Variants in SLC35F3 observed in about 807,000 individuals in gnomAD.
SLC35F3 encodes solute carrier family 35 member F3, also known as putative thiamine transporter SLC35F3.
SLC35F3 carries 25 observed loss-of-function variants against 49.9 expected under a neutral mutation model. The observed-to-expected ratio is 0.50, with a 90% CI of 0.37 to 0.70. SLC35F3 has a LOEUF of 0.70. SLC35F3 is among the 30% of genes least tolerant of loss of function. SLC35F3 has a pLI of 0.00. For missense variants in SLC35F3, 525 were observed against 639.8 expected, an observed-to-expected ratio of 0.82 and a Z score of 1.94; for synonymous variants, 275 against 265.4, an observed-to-expected ratio of 1.04 and a Z score of -0.35.
At chr1:234,007,596 T>C (rs1663649788) in intron 2 of SLC35F3, among the ~76,000 whole-genome samples, 1 of 152,218 alleles carries the variant, frequency 6.6e-6, no homozygotes, top group Admixed American at 6.5e-5. Flanking sequence ...CCTGTGACTA[T>C]TCACTTGTAT....
chr1:234,140,570 G>A (rs1397949743), intron 2 of SLC35F3, among the ~76,000 whole-genome samples: 1 of 152,152 alleles, frequency 6.6e-6, no homozygotes, highest in Non-Finnish European at 1.5e-5. Context: ...CTACTGTAGT[G>A]GAATGATATC....
At chr1:233,952,469 C>A (rs1662624005) in intron 2 of SLC35F3, among the ~76,000 whole-genome samples, 1 of 152,156 alleles carries the variant, frequency 6.6e-6, no homozygotes, top group South Asian at 2.1e-4. Context: ...GATTTTATTT[C>A]TCCCCATCCA....
At position 234,275,752 on chromosome 1, in the gene SLC35F3, GAA is replaced by G. The variant is rs71576411; in HGVS notation, c.609-33338_609-33337del. ...AAATGAAACATCATTGGTAAGTATT[GAA>G]AAAAAAAAAATATATATATATATAT... is the stretch of plus-strand genomic sequence containing the variant. On this transcript the variant is annotated intron_variant, in intron 3 of 7. Transcript: ENST00000366618. Among the ~76,000 whole-genome samples the G allele has an allele frequency of 8.6e-4, 119 of 138,998 alleles. 1 individual carries two copies. The highest frequency in any genetic ancestry group is 2.5e-3 in the Admixed American group (35 of 14,000). The allele number at this position is 138,998 out of a possible 152,430, so 91.2% of individuals were successfully genotyped here.
intron 2 of SLC35F3, among the ~76,000 whole-genome samples, chr1:233,966,761 C>G (rs995314068): frequency 6.6e-5 from 10 of 152,224 alleles, no homozygotes; most frequent in African/African-American, 2.4e-4. Context: ...CAAGCTAATT[C>G]TGCAAAGGAT....
chr1:234,162,166 G>A (rs1420088671), intron 2 of SLC35F3, among the ~76,000 whole-genome samples: 1 of 151,828 alleles, frequency 6.6e-6, no homozygotes, highest in Non-Finnish European at 1.5e-5. Context: ...AGCCTGTGGT[G>A]TAGATTCATG....
chr1:234,110,702 A>G (rs535071768), intron 2 of SLC35F3, among the ~76,000 whole-genome samples: 49 of 151,878 alleles, frequency 3.2e-4, no homozygotes, highest in African/African-American at 1.2e-3. Flanking sequence ...TATGGAAGAC[A>G]GTTTCATCCA....
intron 2 of SLC35F3, among the ~76,000 whole-genome samples, chr1:233,934,308 T>G (rs1271167189): frequency 2.6e-5 from 4 of 152,210 alleles, no homozygotes; most frequent in African/African-American, 9.6e-5. Context: ...CTTCCCCACT[T>G]TCTAAGACAT....
At chr1:233,914,640 A>G (rs576355730) in intron 2 of SLC35F3, among the ~76,000 whole-genome samples, 1 of 152,350 alleles carries the variant, frequency 6.6e-6, no homozygotes, top group South Asian at 2.1e-4. Flanking sequence ...GACTACTAAG[A>G]TCATAAAGAA....
At chr1:234,264,215 A>G (rs977854842) in intron 3 of SLC35F3, among the ~76,000 whole-genome samples, 1 of 152,212 alleles carries the variant, frequency 6.6e-6, no homozygotes. Context: ...ACCATTCACC[A>G]CACCCTGAGA....
intron 4 of SLC35F3, among the ~76,000 whole-genome samples, chr1:234,312,427 T>A (rs1657378822): frequency 6.6e-6 from 1 of 152,210 alleles, no homozygotes; most frequent in African/African-American, 2.4e-5. Context: ...CCAGCTGATG[T>A]TTCCAATAAT....
chr1:234,298,909 C>A (rs780839775), intron 3 of SLC35F3, among the ~76,000 whole-genome samples: 3 of 152,164 alleles, frequency 2.0e-5, no homozygotes, highest in Non-Finnish European at 4.4e-5. Context: ...TACCAGGATC[C>A]AGAGTGAAGG....
intron 2 of SLC35F3, among the ~76,000 whole-genome samples, chr1:233,926,563 T>C (rs1662163466): frequency 6.6e-6 from 1 of 152,184 alleles, no homozygotes; most frequent in South Asian, 2.1e-4. Flanking sequence ...TTAGCTTCTT[T>C]GTGATGGGTT....
intron 2 of SLC35F3, among the ~76,000 whole-genome samples, chr1:234,220,297 T>G (rs183534787): frequency 1.5e-3 from 219 of 148,640 alleles, no homozygotes; most frequent in Admixed American, 2.8e-3. Flanking sequence ...TTCAGGGGTG[T>G]GTGTGTGTGT....
At chr1:233,954,314 C>G (rs868125064) in intron 2 of SLC35F3, among the ~76,000 whole-genome samples, 5 of 151,302 alleles carry the variant, frequency 3.3e-5, no homozygotes, top group African/African-American at 7.3e-5. Context: ...CCTAGAGCCT[C>G]TTTTAAAGAA....
At chr1:234,068,270 A>G (rs941440380) in intron 2 of SLC35F3, among the ~76,000 whole-genome samples, 1 of 152,232 alleles carries the variant, frequency 6.6e-6, no homozygotes, top group Non-Finnish European at 1.5e-5. Context: ...TCAAACTTTC[A>G]GAAATAGTGA....
chr1:234,318,718 C>T (rs1036928436), intron 5 of SLC35F3, 33 bp from the exon 6 acceptor site: 30 of 1,597,980 alleles, frequency 1.9e-5, no homozygotes, highest in Middle Eastern at 3.3e-4. Flanking sequence ...TGAGGTGAGC[C>T]TTCACCCCGT....
At chr1:234,272,564 G>A (rs1264852178) in intron 3 of SLC35F3, 1 of 152,270 alleles carries the variant, frequency 6.6e-6, no homozygotes, top group Non-Finnish European at 1.5e-5. Context: ...AGGAAGTCGA[G>A]AGATGGATGA....
intron 2 of SLC35F3, among the ~76,000 whole-genome samples, chr1:234,031,774 A>G (rs943446121): frequency 3.3e-5 from 5 of 152,168 alleles, no homozygotes; most frequent in Non-Finnish European, 5.9e-5. Context: ...TTTTGTCACA[A>G]CTGTGTCCAT....
At position 233,930,569 on chromosome 1, in the gene SLC35F3, G is replaced by A. The variant is rs150274912; in HGVS notation, c.283+24811G>A. Among the ~76,000 whole-genome samples, 225 of 152,164 alleles carry A rather than the reference G, an allele frequency of 1.5e-3. 1 individual carries two copies. The highest frequency in any genetic ancestry group is 5.3e-3 in the African/African-American group (219 of 41,542). On this transcript the variant is annotated intron_variant, in intron 2 of 7. Transcript: ENST00000366618. ...AACAGGTGACCCTTGAAAAACATGG[G>A]GGTTGATGCACACATTCTTTATATA...
Sources: allele counts gnomAD v4.1 joint callset (sites outside exome capture counted in the v4.1 genomes callset), GRCh38; gene constraint gnomAD v4.1.1; transcripts MANE v1.5; gene names NCBI Gene and HGNC (gene_info 2026-07-23, HGNC 2026-07-21).